CFAP36: variants seen among roughly 807,000 people sequenced by gnomAD.
CFAP36 encodes cilia- and flagella-associated protein 36.
A neutral mutation model predicts 50.5 loss-of-function variants in CFAP36; 37 were observed. That is an observed-to-expected ratio of 0.73 (90% CI 0.56 to 0.96). The LOEUF (loss-of-function observed/expected upper bound fraction) is 0.96. CFAP36 is among the 50% of genes least tolerant of loss of function. CFAP36 has a pLI of 0.00. For missense variants in CFAP36, 407 were observed against 396.2 expected (o/e 1.03, Z -0.23); for synonymous variants, 138 against 128.2 (o/e 1.08, Z -0.52).
intron 7 of CFAP36, among the ~76,000 whole-genome samples, chr2:55,538,570 A>T (rs1684552412): frequency 6.6e-6 from 1 of 152,016 alleles, no homozygotes; most frequent in Admixed American, 6.6e-5. Context: ...CTGGGATTAC[A>T]GGCATGAGCC....
intron 7 of CFAP36, chr2:55,538,925 T>A (rs1048765680): frequency 2.8e-6 from 4 of 1,433,332 alleles, no homozygotes; most frequent in Non-Finnish European, 2.8e-6. Context: ...ATTAATTTTT[T>A]AATGTAAGTT....
At chr2:55,538,758 T>C in intron 7 of CFAP36, 3 of 1,545,772 alleles carry the variant, frequency 1.9e-6, no homozygotes, top group Non-Finnish European at 1.7e-6. Flanking sequence ...TTTTTTTTTT[T>C]TTAAAGAAAT....
chr2:55,544,147 T>C, intron 8 of CFAP36, 73 bp downstream of exon 8: 1 of 1,609,036 alleles, frequency 6.2e-7, no homozygotes, highest in African/African-American at 1.3e-5. Context: ...TCGAATTGAA[T>C]CACTCAGTGG....
rs1316149656 is a variant in CFAP36, at chr2:55,535,727, A to G, written c.501A>G (p.Glu167=). ...LREVLRKSKE[E]YDQEEERKRK... Reference sequence around the variant, plus strand: ...TATATTTCAGAAAATCAAAAGAGGAATATGACCAGGAAGAAGAAAGGAAGA... The same window carrying G: ...TATATTTCAGAAAATCAAAAGAGGAGTATGACCAGGAAGAAGAAAGGAAGA... The change falls in exon 6 of 10, where the codon GAA becomes GAG. Residue 167 remains glutamate, a synonymous_variant. Coordinates refer to ENST00000349456, the MANE Select transcript of CFAP36 (RefSeq NM_080667.7). 1 of 1,541,538 alleles carries G rather than the reference A, an allele frequency of 6.5e-7. No individual in the cohort carries two copies. The highest frequency in any genetic ancestry group is 8.7e-7 in the Non-Finnish European group (1 of 1,155,208).
intron 1 of CFAP36, chr2:55,520,272 C>A: frequency 1.3e-6 from 1 of 781,988 alleles, no homozygotes; most frequent in Non-Finnish European, 2.0e-6. Context: ...GACTGTTTGG[C>A]TGGGCTTCTT....
chr2:55,538,295 C>CTTTTTTTTT (rs35529401), intron 7 of CFAP36, among the ~76,000 whole-genome samples: 1 of 132,884 alleles, frequency 7.5e-6, no homozygotes. Context: ...TTTCTTTTAT[C>CTTTTTTTTT]TTTTTTTTTT....
At chr2:55,541,235 A>C (rs1344898324) in intron 7 of CFAP36, among the ~76,000 whole-genome samples, 1 of 152,166 alleles carries the variant, frequency 6.6e-6, no homozygotes. Context: ...GAGGCAGGAG[A>C]ATCGCTTGAA....
intron 3 of CFAP36, among the ~76,000 whole-genome samples, chr2:55,526,725 G>A (rs1012895913): frequency 6.6e-6 from 1 of 152,110 alleles, no homozygotes; most frequent in Non-Finnish European, 1.5e-5. Flanking sequence ...TTACAGGTGT[G>A]AGCCACTACA....
intron 1 of CFAP36, chr2:55,520,347 AT>A: frequency 1.4e-6 from 2 of 1,426,988 alleles, no homozygotes; most frequent in Non-Finnish European, 1.9e-6. Context: ...GATCCCTAGC[AT>A]TTCGCCCGGT....
intron 7 of CFAP36, among the ~76,000 whole-genome samples, chr2:55,541,204 A>C (rs922295730): frequency 6.6e-6 from 1 of 151,282 alleles, no homozygotes; most frequent in African/African-American, 2.4e-5. Context: ...AGTTCCTGTA[A>C]TGCTAGCTAC....
intron 4 of CFAP36, among the ~76,000 whole-genome samples, chr2:55,529,368 G>A (rs1311644525): frequency 6.6e-6 from 1 of 151,732 alleles, no homozygotes; most frequent in Non-Finnish European, 1.5e-5. Flanking sequence ...CTTGCAGTGA[G>A]CTGAGATCGC....
At chr2:55,524,356 G>A (rs34143512) in intron 3 of CFAP36, among the ~76,000 whole-genome samples, 33,545 of 151,474 alleles carry the variant, frequency 0.22, 3,838 homozygotes, top group East Asian at 0.34. Flanking sequence ...CTGGGCTCAG[G>A]TAATCCTCCC....
chr2:55,535,424 G>T (rs74467430), intron 5 of CFAP36, among the ~76,000 whole-genome samples: 1 of 152,196 alleles, frequency 6.6e-6, no homozygotes. Context: ...TCAAATTTGG[G>T]TTCAGGATTT....
chr2:55,542,463 T>A (rs180766936), intron 7 of CFAP36, among the ~76,000 whole-genome samples: 1 of 152,358 alleles, frequency 6.6e-6, no homozygotes, highest in East Asian at 1.9e-4. Flanking sequence ...TGTCTTTCCC[T>A]CATTCCTGCC....
chr2:55,535,976 C>G, intron 6 of CFAP36: 33 of 911,036 alleles, frequency 3.6e-5, no homozygotes, highest in Non-Finnish European at 4.2e-5. Flanking sequence ...ATATACTTAA[C>G]TGTATATAGT....
intron 9 of CFAP36, among the ~76,000 whole-genome samples, chr2:55,544,579 A>C (rs1054447186): frequency 6.6e-6 from 1 of 152,016 alleles, no homozygotes; most frequent in African/African-American, 2.4e-5. Context: ...GTCATTATAC[A>C]TTTTTTTCTT....
Position 55,543,981 on chromosome 2 carries a change from A to G in CFAP36, c.684A>G (p.Gly228=). Residue 228 remains glycine (G), a synonymous_variant, in exon 8 of 10, where the codon GGA becomes GGG. Coordinates refer to ENST00000349456, the MANE Select transcript of CFAP36 (RefSeq NM_080667.7). ...CTAATCAGTCAATAGAACCTTTGGG[A>G]AGAAAAGTGGAAAGGTCTGAAACTT... The part of the protein sequence containing the change: ...HFANQSIEPL[G]RKVERSETSS... 6.2e-7 allele frequency: 1 copy of G among 1,613,988 alleles called. No homozygotes were observed. Among genetic ancestry groups the G allele is most frequent in the Non-Finnish European group, 8.5e-7 (1 of 1,179,884 alleles).
intron 6 of CFAP36, among the ~76,000 whole-genome samples, chr2:55,536,179 C>G (rs1225300401): frequency 6.6e-6 from 1 of 150,768 alleles, no homozygotes; most frequent in African/African-American, 2.4e-5. Flanking sequence ...GTCACCCAGG[C>G]TGGAGTGCAG....
intron 2 of CFAP36, among the ~76,000 whole-genome samples, chr2:55,523,360 A>C (rs1376923244): frequency 6.6e-6 from 1 of 151,964 alleles, no homozygotes; most frequent in Admixed American, 6.6e-5. Context: ...GGTTGCAGTG[A>C]GCCGAGATCG....
Sources: gnomAD v4.1 joint callset for allele counts (sites outside exome capture counted in the v4.1 genomes callset) on GRCh38, gnomAD v4.1.1 for gene constraint, MANE v1.5 for transcripts, NCBI Gene and HGNC (gene_info 2026-07-23, HGNC 2026-07-21) for gene names.